RNF13: variants seen among roughly 807,000 people sequenced by gnomAD.
RNF13 encodes the protein ring finger protein 13.
Under a neutral mutation model 37.7 loss-of-function variants are expected in RNF13, and 19 were observed. The observed-to-expected ratio is 0.50, with a 90% CI of 0.35 to 0.74. RNF13 has a LOEUF of 0.74. Ranked by LOEUF, RNF13 falls within the 30% of genes least tolerant of loss-of-function variation. The probability of loss-of-function intolerance (pLI) is 0.01; values close to 1 mark genes in which losing one functional copy is unlikely to be tolerated. For missense variants in RNF13, 375 were observed against 453.0 expected (o/e 0.83, Z 1.56); for synonymous variants, 144 against 157.8 (o/e 0.91, Z 0.65).
intron 8 of RNF13, among the ~76,000 whole-genome samples, chr3:149,926,908 T>TAAA (rs1718709195): frequency 6.6e-6 from 1 of 152,224 alleles, no homozygotes; most frequent in African/African-American, 2.4e-5. Flanking sequence ...TACCTATGTT[T>TAAA]AACACTTTGC....
At chr3:149,947,170 C>T (rs1262812097) in intron 8 of RNF13, among the ~76,000 whole-genome samples, 1 of 151,896 alleles carries the variant, frequency 6.6e-6, no homozygotes, top group South Asian at 2.1e-4. Context: ...AGGCTTTTTT[C>T]GTGGTCTAAT....
intron 3 of RNF13, among the ~76,000 whole-genome samples, chr3:149,861,413 G>A (rs964260620): frequency 1.2e-4 from 18 of 152,068 alleles, no homozygotes; most frequent in Non-Finnish European, 2.5e-4. Flanking sequence ...ATTAAAAAAA[G>A]TATATATATG....
intron 4 of RNF13, among the ~76,000 whole-genome samples, chr3:149,885,678 A>G (rs570192990): frequency 1.3e-5 from 2 of 152,224 alleles, no homozygotes; most frequent in Admixed American, 6.5e-5. Flanking sequence ...CCTAATCTGT[A>G]GGTTGTCTCT....
intron 4 of RNF13, among the ~76,000 whole-genome samples, chr3:149,881,522 G>C (rs1373524423): frequency 6.6e-6 from 1 of 151,956 alleles, no homozygotes; most frequent in Non-Finnish European, 1.5e-5. Context: ...GTAGAGATGG[G>C]GTTTCACCAC....
chr3:149,895,246 A>G (rs1715120465), intron 4 of RNF13: 10 of 365,578 alleles, frequency 2.7e-5, no homozygotes, highest in East Asian at 8.3e-5. Flanking sequence ...CCACTAATTC[A>G]TGGCAGAGGT....
At chr3:149,852,371 C>T (rs1463976922) in intron 2 of RNF13, 145 bp from the exon 3 acceptor site, 8 of 415,348 alleles carry the variant, frequency 1.9e-5, no homozygotes, top group Non-Finnish European at 2.6e-5. Context: ...AGTGGATGTA[C>T]ATTTACAAAT....
At chr3:149,950,574 A>C in intron 8 of RNF13, among the ~76,000 whole-genome samples, 1 of 152,090 alleles carries the variant, frequency 6.6e-6, no homozygotes, top group Non-Finnish European at 1.5e-5. Context: ...TCCTGAGTTC[A>C]AGCCATCCTC....
intron 1 of RNF13, among the ~76,000 whole-genome samples, chr3:149,840,774 T>C (rs1722102665): frequency 6.6e-6 from 1 of 152,188 alleles, no homozygotes; most frequent in South Asian, 2.1e-4. Flanking sequence ...CCAGGTTCAC[T>C]AGCTTGGTAG....
intron 8 of RNF13, chr3:149,939,877 A>G (rs764692824): frequency 1.3e-4 from 54 of 421,844 alleles, no homozygotes; most frequent in Non-Finnish European, 2.3e-4. Context: ...GCCGCGCAGG[A>G]TGGAATCACA....
chr3:149,921,147 T>C lies in RNF13; in HGVS notation c.620T>C (p.Val207Ala). 7.3e-7 allele frequency: 1 copy of C among 1,373,900 alleles called. No individual in the cohort carries two copies. The highest frequency in any genetic ancestry group is 1.9e-5 in the South Asian group (1 of 53,292). 85.1% of individuals were successfully genotyped at this position (1,373,900 alleles called of 1,614,324 possible). The change falls in exon 8 of 10, where the codon GTC (valine) becomes GCC (alanine). Residue 207 changes from valine (V) to alanine (A), a missense_variant. By Grantham distance (64) the Val-to-Ala change is moderately conservative. Coordinates refer to ENST00000392894, the MANE Select transcript of RNF13 (RefSeq NM_183381.3). ...TTTTATTTTTAGATCACAAAATTTG[T>C]CCAGGATAGACATAGAGCTAGAAGA... ...LIVIFMITKF[V>A]QDRHRARRNR...
intron 1 of RNF13, among the ~76,000 whole-genome samples, chr3:149,817,836 G>C (rs1002369085): frequency 1.3e-4 from 20 of 152,196 alleles, no homozygotes; most frequent in African/African-American, 4.8e-4. Flanking sequence ...ATCTTCACAA[G>C]TGGGGGGCAA....
chr3:149,931,003 A>G (rs941773243), intron 8 of RNF13, among the ~76,000 whole-genome samples: 26 of 152,178 alleles, frequency 1.7e-4, no homozygotes, highest in African/African-American at 6.3e-4. Flanking sequence ...TTTTCAAAGA[A>G]CAATATTTTG....
chr3:149,940,336 C>CT, intron 8 of RNF13, among the ~76,000 whole-genome samples: 1 of 152,088 alleles, frequency 6.6e-6, no homozygotes, highest in Middle Eastern at 3.2e-3. Context: ...CCCTCCATCC[C>CT]TTATATCATT....
chr3:149,849,057 T>C (rs937267216), intron 2 of RNF13, among the ~76,000 whole-genome samples: 4 of 152,336 alleles, frequency 2.6e-5, no homozygotes, highest in East Asian at 1.9e-4. Flanking sequence ...CTTAGTACTT[T>C]TAGATTACTG....
chr3:149,923,997 T>C (rs1718410296), intron 8 of RNF13, among the ~76,000 whole-genome samples: 1 of 152,238 alleles, frequency 6.6e-6, no homozygotes, highest in South Asian at 2.1e-4. Flanking sequence ...AGGAAAGTTA[T>C]TGTAGTAATT....
At chr3:149,859,129 G>A (rs146241490) in intron 3 of RNF13, among the ~76,000 whole-genome samples, 7 of 152,126 alleles carry the variant, frequency 4.6e-5, no homozygotes, top group Non-Finnish European at 8.8e-5. Flanking sequence ...CAATGTGCTG[G>A]ACTTCCTCAC....
At chr3:149,931,529 C>G (rs891895993) in intron 8 of RNF13, among the ~76,000 whole-genome samples, 1 of 151,796 alleles carries the variant, frequency 6.6e-6, no homozygotes, top group African/African-American at 2.4e-5. Flanking sequence ...CTATAAATTT[C>G]CCTGTACTGC....
chr3:149,851,255 A>T (rs1723093764), intron 2 of RNF13: 1 of 152,212 alleles, frequency 6.6e-6, no homozygotes, highest in Non-Finnish European at 1.5e-5. Flanking sequence ...TGGTATGGTT[A>T]CCAGGACCTG....
intron 8 of RNF13, 22 bp from the exon 9 acceptor site, chr3:149,960,034 T>C: frequency 1.3e-6 from 2 of 1,541,232 alleles, no homozygotes; most frequent in Non-Finnish European, 1.8e-6. Flanking sequence ...AAAATAGTTC[T>C]CTACATATTT....
Sources: allele counts gnomAD v4.1 joint callset (sites outside exome capture counted in the v4.1 genomes callset), GRCh38; gene constraint gnomAD v4.1.1; transcripts MANE v1.5; gene names NCBI Gene and HGNC (gene_info 2026-07-23, HGNC 2026-07-21).